The following SIPA1L1 variants were observed in gnomAD, a reference collection of about 807,000 sequenced individuals.
The protein encoded by SIPA1L1 is signal-induced proliferation-associated 1-like protein 1.
Under a neutral mutation model 162.7 loss-of-function variants are expected in SIPA1L1, and 26 were observed. That is an observed-to-expected ratio of 0.16 (90% CI 0.12 to 0.22). The LOEUF is 0.22. Ranked by LOEUF, SIPA1L1 falls within the 10% of genes least tolerant of loss-of-function variation. SIPA1L1 has a pLI of 1.00. For synonymous variants in SIPA1L1, 829 were observed against 837.4 expected, an observed-to-expected ratio of 0.99 and a Z score of 0.17; for missense variants, 1,874 against 2,241.0, an observed-to-expected ratio of 0.84 and a Z score of 3.31.
chr14:71,481,518 C>CA (rs892249571), intron 2 of SIPA1L1, among the ~76,000 whole-genome samples: 37 of 144,542 alleles, frequency 2.6e-4, no homozygotes, highest in Admixed American at 8.3e-4. Context: ...ACAACAACAG[C>CA]AAAAAAAAAA....
chr14:71,630,996 A>G (rs1384079124), intron 7 of SIPA1L1, among the ~76,000 whole-genome samples: 2 of 151,886 alleles, frequency 1.3e-5, no homozygotes, highest in African/African-American at 4.8e-5. Context: ...TATACTAGGC[A>G]TTTCTCCCAA....
In SIPA1L1 at chr14:71,588,479, C is replaced by T. The variant is rs1281706519; in HGVS notation, c.607C>T (p.His203Tyr). The change falls in exon 5 of 24, where the codon CAC becomes TAC. Residue 203 changes from histidine to tyrosine, a missense_variant. Transcript: ENST00000381232. The surrounding 1 kb of genome is among the most constrained non-coding windows in gnomAD (Gnocchi z 4.3). ...SPTYKTGPSL[H>Y]REYGSTSSID... ...TACATACAAGACTGGACCATCACTG[C>T]ACAGGGAATATGGTAGCACATCTTC... The T allele has an allele frequency of 1.2e-6, 2 of 1,613,984 alleles. No individual in the cohort carries two copies. The highest frequency in any genetic ancestry group is 1.3e-5 in the African/African-American group (1 of 74,908).
chr14:71,541,777 A>G (rs144368226), intron 4 of SIPA1L1, among the ~76,000 whole-genome samples: 5 of 152,296 alleles, frequency 3.3e-5, no homozygotes, highest in Non-Finnish European at 7.4e-5. Context: ...TGTCTCTGAC[A>G]ACAGCAACAG....
intron 7 of SIPA1L1, among the ~76,000 whole-genome samples, chr14:71,632,651 G>A (rs1005089450): frequency 1.3e-5 from 2 of 152,148 alleles, no homozygotes; most frequent in Admixed American, 6.5e-5. Context: ...CAGCAATAAC[G>A]GGGTCTTCTT....
chr14:71,330,651 G>T (rs2034419067), intron 2 of SIPA1L1: 3 of 885,256 alleles, frequency 3.4e-6, no homozygotes, highest in South Asian at 1.3e-5. Flanking sequence ...ACTCATTGTT[G>T]TAGTCTGGGT....
chr14:71,372,914 T>G (rs1274958739), intron 2 of SIPA1L1, among the ~76,000 whole-genome samples: 1 of 152,176 alleles, frequency 6.6e-6, no homozygotes, highest in African/African-American at 2.4e-5. Context: ...TATATTAACA[T>G]TTTTCATTTA....
chr14:71,615,975 G>C (rs376773967), intron 5 of SIPA1L1, among the ~76,000 whole-genome samples: 4 of 152,288 alleles, frequency 2.6e-5, no homozygotes, highest in East Asian at 3.9e-4. Context: ...CAGTGTAGGT[G>C]ACAGAGTGAG....
chr14:71,561,813 C>T (rs1486394090), intron 4 of SIPA1L1, among the ~76,000 whole-genome samples: 1 of 152,230 alleles, frequency 6.6e-6, no homozygotes, highest in Non-Finnish European at 1.5e-5. Context: ...TCTCAAATTC[C>T]TGATCTCAGG....
At chr14:71,381,501 T>C (rs2039901437) in intron 2 of SIPA1L1, among the ~76,000 whole-genome samples, 1 of 152,196 alleles carries the variant, frequency 6.6e-6, no homozygotes, top group South Asian at 2.1e-4. Context: ...TTAAAAATAG[T>C]TTAAAAAATG....
chr14:71,357,112 T>C (rs1406734131), intron 2 of SIPA1L1, among the ~76,000 whole-genome samples: 2 of 152,176 alleles, frequency 1.3e-5, no homozygotes, highest in Admixed American at 1.3e-4. Context: ...GGAAGTGCAG[T>C]GGCGTGATCG....
intron 7 of SIPA1L1, among the ~76,000 whole-genome samples, chr14:71,645,708 T>C (rs1352884070): frequency 6.6e-6 from 1 of 152,140 alleles, no homozygotes; most frequent in Non-Finnish European, 1.5e-5. Context: ...CACTGCTTGA[T>C]TCATGCAAAA....
intron 2 of SIPA1L1, among the ~76,000 whole-genome samples, chr14:71,509,752 AAAAAAAGAAAG>A (rs1015918821): frequency 6.6e-6 from 1 of 152,088 alleles, no homozygotes. Flanking sequence ...CTCAAAAAAA[AAAAAAAGAAAG>A]AAAAAAGAAA....
chr14:71,728,186 G>A (rs1331994724), intron 19 of SIPA1L1, among the ~76,000 whole-genome samples: 1 of 152,222 alleles, frequency 6.6e-6, no homozygotes, highest in Non-Finnish European at 1.5e-5. Flanking sequence ...GCAGGCAGGA[G>A]CCTTATGTGA....
chr14:71,624,164 T>C lies in SIPA1L1; in HGVS notation c.1746T>C (p.Asn582=), dbSNP rs2148600561. 2 of 1,614,210 alleles carry C rather than the reference T, an allele frequency of 1.2e-6. No individual in the cohort carries two copies. Among genetic ancestry groups the C allele is most frequent in the East Asian group, 2.2e-5 (1 of 44,888 alleles). Residue 582 remains asparagine, a synonymous_variant, in exon 7 of 24, where the codon AAT becomes AAC. Coordinates refer to ENST00000381232, the MANE Select transcript of SIPA1L1 (RefSeq NM_001386936.1). ...TGGAGCACGTGGTTCCTGAGCTCAATGTCCAGTGCCTGCGGTTGGCCTTCA... is the reference window on the plus strand; with the variant it reads ...TGGAGCACGTGGTTCCTGAGCTCAACGTCCAGTGCCTGCGGTTGGCCTTCA... ...EVLEHVVPEL[N]VQCLRLAFNT...
chr14:71,441,945 G>A (rs1456957250), intron 2 of SIPA1L1, among the ~76,000 whole-genome samples: 1 of 152,064 alleles, frequency 6.6e-6, no homozygotes, highest in East Asian at 1.9e-4. Flanking sequence ...GCCAAGGCAG[G>A]CAGATAACCT....
chr14:71,524,020 C>T (rs1476594417), intron 3 of SIPA1L1, among the ~76,000 whole-genome samples: 2 of 152,136 alleles, frequency 1.3e-5, no homozygotes, highest in Non-Finnish European at 2.9e-5. Context: ...TAGAAACCAC[C>T]GTCTGGGTGC....
chr14:71,544,089 A>G (rs1305401517), intron 4 of SIPA1L1, among the ~76,000 whole-genome samples: 1 of 150,942 alleles, frequency 6.6e-6, no homozygotes, highest in Non-Finnish European at 1.5e-5. Context: ...ATGTATGTAT[A>G]TACACACGCA....
At chr14:71,502,784 CTCT>C (rs1040913422) in intron 2 of SIPA1L1, among the ~76,000 whole-genome samples, 1 of 152,056 alleles carries the variant, frequency 6.6e-6, no homozygotes, top group African/African-American at 2.4e-5. Flanking sequence ...CGTAAGACTC[CTCT>C]AACACCGTGT....
chr14:71,735,905 C>T (rs1044829223), intron 22 of SIPA1L1, among the ~76,000 whole-genome samples: 12 of 152,230 alleles, frequency 7.9e-5, no homozygotes, highest in Admixed American at 2.0e-4. Flanking sequence ...GCTTCTCAGT[C>T]AGGAGCAGGG....
Sources: allele counts gnomAD v4.1 joint callset (sites outside exome capture counted in the v4.1 genomes callset), GRCh38; gene constraint gnomAD v4.1.1; non-coding constraint Gnocchi (gnomAD v3.1); transcripts MANE v1.5; gene names NCBI Gene and HGNC (gene_info 2026-07-23, HGNC 2026-07-21).